HS3ST3A1: variants seen among roughly 807,000 people sequenced by gnomAD.
HS3ST3A1 encodes heparan sulfate-glucosamine 3-sulfotransferase 3A1, also known as heparan sulfate glucosamine 3-O-sulfotransferase 3A1.
In HS3ST3A1, 19 loss-of-function variants were observed where a neutral mutation model predicts 25.7. The observed-to-expected ratio is 0.74, with a 90% CI of 0.52 to 1.08. HS3ST3A1 has a LOEUF of 1.08. Ranked by LOEUF, HS3ST3A1 falls within the 50% of genes least tolerant of loss-of-function variation. HS3ST3A1 has a pLI of 0.00. For missense variants in HS3ST3A1, 459 were observed against 594.3 expected, an observed-to-expected ratio of 0.77 and a Z score of 2.37; for synonymous variants, 226 against 278.6, an observed-to-expected ratio of 0.81 and a Z score of 1.88.
chr17:13,500,663 T>C (rs1905443744), intron 1 of HS3ST3A1, among the ~76,000 whole-genome samples: 1 of 152,220 alleles, frequency 6.6e-6, no homozygotes, highest in African/African-American at 2.4e-5. Context: ...TGGAGACATT[T>C]ACAGTAGGTA....
intron 1 of HS3ST3A1, among the ~76,000 whole-genome samples, chr17:13,552,765 T>C (rs112106292): frequency 9.2e-5 from 14 of 152,266 alleles, no homozygotes; most frequent in African/African-American, 3.1e-4. Flanking sequence ...CCTTTCCCAA[T>C]TCAGCATGAT....
intron 1 of HS3ST3A1, among the ~76,000 whole-genome samples, chr17:13,510,653 A>G (rs1389439135): frequency 6.6e-6 from 1 of 151,920 alleles, no homozygotes; most frequent in African/African-American, 2.4e-5. Flanking sequence ...AACTGCTAGG[A>G]TATTCTTTCT....
At chr17:13,524,534 T>C (rs1265620962) in intron 1 of HS3ST3A1, among the ~76,000 whole-genome samples, 1 of 152,186 alleles carries the variant, frequency 6.6e-6, no homozygotes, top group Non-Finnish European at 1.5e-5. Context: ...GTGTGCGCCA[T>C]TGAGCCCGGC....
At chr17:13,538,013 C>T (rs1160757792) in intron 1 of HS3ST3A1, among the ~76,000 whole-genome samples, 3 of 152,252 alleles carry the variant, frequency 2.0e-5, no homozygotes, top group East Asian at 3.9e-4. Context: ...CATTCTTTAG[C>T]GATTGCTTTA....
intron 1 of HS3ST3A1, among the ~76,000 whole-genome samples, chr17:13,555,156 G>A (rs1907338691): frequency 6.6e-6 from 1 of 152,122 alleles, no homozygotes; most frequent in Non-Finnish European, 1.5e-5. Context: ...ATGGCTTCCT[G>A]AGCACAGATT....
At chr17:13,531,417 C>T (rs754057566) in intron 1 of HS3ST3A1, among the ~76,000 whole-genome samples, 1 of 152,186 alleles carries the variant, frequency 6.6e-6, no homozygotes, top group Non-Finnish European at 1.5e-5. Flanking sequence ...ATCCTACCCA[C>T]ATCCCGATAT....
chr17:13,514,774 T>C (rs1339370414), intron 1 of HS3ST3A1, among the ~76,000 whole-genome samples: 1 of 152,224 alleles, frequency 6.6e-6, no homozygotes, highest in Non-Finnish European at 1.5e-5. Context: ...GTGATGAAAC[T>C]GTTTTATATT....
At chr17:13,537,622 A>C (rs1487427492) in intron 1 of HS3ST3A1, among the ~76,000 whole-genome samples, 1 of 152,236 alleles carries the variant, frequency 6.6e-6, no homozygotes, top group East Asian at 1.9e-4. Flanking sequence ...ATTCAGTTTT[A>C]AAACAAGCAT....
Position 13,518,410 on chromosome 17 carries a change from A to G in HS3ST3A1, c.600-21592T>C, listed in dbSNP as rs144569543. On this transcript the variant is annotated intron_variant, in intron 1 of 1. Coordinates refer to ENST00000284110, the MANE Select transcript of HS3ST3A1 (RefSeq NM_006042.3). ...AGGTTACAAAACAAGTCATAAAACA[A>G]TAAGATACTATCTCATGTTTGTAAA... is the stretch of plus-strand genomic sequence containing the variant. 4.6e-5 allele frequency among the ~76,000 whole-genome samples: 7 copies of G among 152,356 alleles called. No homozygotes were observed. In the East Asian group the frequency reaches 7.7e-4, roughly 17 times the overall value.
intron 1 of HS3ST3A1, among the ~76,000 whole-genome samples, chr17:13,591,247 A>C (rs1159857057): frequency 6.6e-6 from 1 of 151,672 alleles, no homozygotes; most frequent in Non-Finnish European, 1.5e-5. Context: ...GGGTTTTACC[A>C]TGTTGCCCAG....
intron 1 of HS3ST3A1, among the ~76,000 whole-genome samples, chr17:13,555,336 G>C (rs1907344238): frequency 3.3e-5 from 5 of 152,198 alleles, no homozygotes; most frequent in African/African-American, 1.2e-4. Context: ...TTTGTATAAA[G>C]GGGTGTCGCA....
In HS3ST3A1 at chr17:13,581,482, AAC is replaced by A. The variant is rs1555542645; in HGVS notation, c.599+19047_599+19048del. On this transcript the variant is annotated intron_variant, in intron 1 of 1. Coordinates refer to ENST00000284110, the MANE Select transcript of HS3ST3A1 (RefSeq NM_006042.3). ...ACTCTATCTCAAAAAAAAAAAAAAA[AAC>A]GTAGAAACTTCCTAATTAATAAACT... is the stretch of plus-strand genomic sequence containing the variant. Among the ~76,000 whole-genome samples the A allele has an allele frequency of 4.3e-3, 650 of 150,434 alleles. 2 individuals carry two copies. The highest frequency in any genetic ancestry group is 7.0e-3 in the Non-Finnish European group (469 of 67,444).
At chr17:13,538,741 A>G (rs2142341131) in intron 1 of HS3ST3A1, among the ~76,000 whole-genome samples, 1 of 152,214 alleles carries the variant, frequency 6.6e-6, no homozygotes, top group East Asian at 1.9e-4. Context: ...TTTCTTTTCA[A>G]TCAAGATTTG....
chr17:13,533,077 G>C (rs531018616), intron 1 of HS3ST3A1, among the ~76,000 whole-genome samples: 1 of 152,182 alleles, frequency 6.6e-6, no homozygotes, highest in African/African-American at 2.4e-5. Context: ...CCTTTTTATA[G>C]TGTTGCTGTA....
intron 1 of HS3ST3A1, among the ~76,000 whole-genome samples, chr17:13,586,297 A>G (rs993480098): frequency 6.6e-6 from 1 of 151,684 alleles, no homozygotes; most frequent in Admixed American, 6.6e-5. Context: ...TGCATACCGC[A>G]CTGCTCTAGT....
intron 1 of HS3ST3A1, among the ~76,000 whole-genome samples, chr17:13,594,770 A>G (rs1296554418): frequency 6.6e-6 from 1 of 152,196 alleles, no homozygotes; most frequent in Non-Finnish European, 1.5e-5. Context: ...TCCTTGCTTG[A>G]AAAAAAGGCA....
chr17:13,529,913 T>C (rs1245838024), intron 1 of HS3ST3A1, among the ~76,000 whole-genome samples: 2 of 151,976 alleles, frequency 1.3e-5, no homozygotes, highest in African/African-American at 4.8e-5. Flanking sequence ...TATTATATAT[T>C]AAGAATTTGT....
intron 1 of HS3ST3A1, among the ~76,000 whole-genome samples, chr17:13,581,482 A>C (rs1295214809): frequency 4.7e-5 from 7 of 150,326 alleles, no homozygotes; most frequent in Admixed American, 2.0e-4. Flanking sequence ...AAAAAAAAAA[A>C]ACGTAGAAAC....
At chr17:13,548,735 T>G (rs1188733111) in intron 1 of HS3ST3A1, among the ~76,000 whole-genome samples, 1 of 152,100 alleles carries the variant, frequency 6.6e-6, no homozygotes, top group Non-Finnish European at 1.5e-5. Flanking sequence ...GCACCAATCA[T>G]CACTCTGTAA....
Sources: gnomAD v4.1 joint callset for allele counts (sites outside exome capture counted in the v4.1 genomes callset) on GRCh38, gnomAD v4.1.1 for gene constraint, MANE v1.5 for transcripts, NCBI Gene and HGNC (gene_info 2026-07-23, HGNC 2026-07-21) for gene names.